Variants in DNAJC15 observed in about 807,000 individuals in gnomAD.
The protein encoded by DNAJC15 is dnaJ homolog subfamily C member 15.
In DNAJC15, 27 loss-of-function variants were observed where a neutral mutation model predicts 22.4. The observed-to-expected ratio is 1.20, with a 90% CI of 0.89 to 1.66. DNAJC15 has a LOEUF of 1.66. Among genes scored for constraint, DNAJC15 ranks in the 40% most tolerant of loss-of-function variants. The pLI is 0.00. For synonymous variants in DNAJC15, 79 were observed against 63.2 expected (o/e 1.25, Z -1.19); for missense variants, 208 against 187.1 (o/e 1.11, Z -0.65).
chr13:43,037,322 C>G (rs1030700952), intron 1 of DNAJC15, among the ~76,000 whole-genome samples: 6 of 152,220 alleles, frequency 3.9e-5, no homozygotes, highest in African/African-American at 1.4e-4. Context: ...TTGAGGGGTT[C>G]TTGCTGGAGA....
At chr13:43,036,311 C>T (rs1456355985) in intron 1 of DNAJC15, among the ~76,000 whole-genome samples, 12 of 151,906 alleles carry the variant, frequency 7.9e-5, no homozygotes, top group East Asian at 3.9e-4. Context: ...GACTACGGGT[C>T]GCACCACCAC....
At position 43,107,288 on chromosome 13, in the gene DNAJC15, T is replaced by G. The variant is rs1274326327; in HGVS notation, c.*40T>G. ...ACTGAAGGAAAAAAAAAGAGGGGAC[T>G]TCGAAAAAAAAAAAAGCCCTGCAAA... On this transcript the variant is annotated 3_prime_UTR_variant, in exon 6 of 6. Transcript: ENST00000379221. The G allele has an allele frequency of 6.8e-7, 1 of 1,467,086 alleles. No individual in the cohort carries two copies. Among genetic ancestry groups the G allele is most frequent in the East Asian group, 2.5e-5 (1 of 40,242 alleles). The allele number at this position is 1,467,086 out of a possible 1,614,324, so 90.9% of individuals were successfully genotyped here.
chr13:43,024,641 G>C (rs1196018168), intron 1 of DNAJC15, among the ~76,000 whole-genome samples: 3 of 151,978 alleles, frequency 2.0e-5, no homozygotes, highest in African/African-American at 7.3e-5. Flanking sequence ...ACCGCGTCCG[G>C]CATATTTTTA....
rs73473985 is a variant in DNAJC15 at position 43,062,371 on chromosome 13, C to T, written c.109-3315C>T. On this transcript the variant is annotated intron_variant, in intron 1 of 5. Transcript: ENST00000379221. The stretch of plus-strand genomic sequence containing the variant: ...TTCTTTTTCTGCTGATGCTTCCTCT[C>T]ACTGGTGAAACCCAACCAGAAGCTA... Among the ~76,000 whole-genome samples the T allele has an allele frequency of 3.2e-3, 491 of 152,326 alleles. 6 individuals are homozygous for T. The highest frequency in any genetic ancestry group is 0.011 in the African/African-American group (472 of 41,568).
intron 1 of DNAJC15, among the ~76,000 whole-genome samples, chr13:43,034,642 A>G (rs992859843): frequency 6.6e-6 from 1 of 151,738 alleles, no homozygotes; most frequent in African/African-American, 2.4e-5. Flanking sequence ...CCCATTTATT[A>G]CTTATTTATA....
At chr13:43,086,379 G>C (rs1217102496) in intron 5 of DNAJC15, among the ~76,000 whole-genome samples, 1 of 152,078 alleles carries the variant, frequency 6.6e-6, no homozygotes, top group Non-Finnish European at 1.5e-5. Flanking sequence ...ACAGCTGCTT[G>C]AGAGGGAAAG....
chr13:43,096,673 A>G (rs1407963467), intron 5 of DNAJC15, among the ~76,000 whole-genome samples: 2 of 152,250 alleles, frequency 1.3e-5, no homozygotes, highest in Non-Finnish European at 2.9e-5. Flanking sequence ...GGTAATTGGT[A>G]GTTTAAAAAT....
chr13:43,026,323 A>G (rs2040380494), intron 1 of DNAJC15, among the ~76,000 whole-genome samples: 1 of 152,208 alleles, frequency 6.6e-6, no homozygotes, highest in Admixed American at 6.5e-5. Flanking sequence ...AAATTGAGGG[A>G]TGCAAACAGT....
chr13:43,073,013 C>T (rs2040616133), intron 3 of DNAJC15, among the ~76,000 whole-genome samples: 1 of 152,144 alleles, frequency 6.6e-6, no homozygotes, highest in East Asian at 1.9e-4. Flanking sequence ...AATTTATCTC[C>T]TTTTCCTAAA....
intron 4 of DNAJC15, among the ~76,000 whole-genome samples, chr13:43,083,504 T>C (rs73188002): frequency 0.26 from 39,391 of 152,114 alleles, 5,306 homozygotes; most frequent in Non-Finnish European, 0.31. Flanking sequence ...CAAATCATAG[T>C]TTCAGCCCTA....
chr13:43,107,658 ATTTGGGACTCTGCCTATATAAGGTG>A lies in DNAJC15; in HGVS notation c.*414_*438del, dbSNP rs1436434961. The stretch of plus-strand genomic sequence containing the variant: ...CTCATTGTCAATTTTTTTTTAGGGA[ATTTGGGACTCTGCCTATATAAGGTG>A]TTTTAAATGTCTTGAGAACAAGCAC... On this transcript the variant is annotated 3_prime_UTR_variant, in exon 6 of 6. Coordinates refer to ENST00000379221, the MANE Select transcript of DNAJC15 (RefSeq NM_013238.3). 2 of 153,012 alleles carry A rather than the reference ATTTGGGACTCTGCCTATATAAGGTG, an allele frequency of 1.3e-5. No homozygotes were observed. Among genetic ancestry groups the A allele is most frequent in the African/African-American group, 4.8e-5 (2 of 41,396 alleles). The allele number at this position is 153,012 out of a possible 1,614,324, so 9.5% of individuals were successfully genotyped here.
At chr13:43,103,061 A>T (rs2040777721) in intron 5 of DNAJC15, among the ~76,000 whole-genome samples, 1 of 152,070 alleles carries the variant, frequency 6.6e-6, no homozygotes, top group Non-Finnish European at 1.5e-5. Context: ...CTCTGACATG[A>T]AGTTGATTAG....
chr13:43,023,733 TG>T lies in DNAJC15; in HGVS notation c.108+1del. The T allele has an allele frequency of 6.2e-7, 1 of 1,605,712 alleles. No homozygotes were observed. The highest frequency in any genetic ancestry group is 8.5e-7 in the Non-Finnish European group (1 of 1,176,538). The part of the protein sequence containing the change: ...RPDADVDQQR[L>X]VRSLIAVGLG... ...GACGCCGACGTCGACCAGCAGAGAC[TG>T]GTGAGTCCTGCCAGCGGCCCCCACC... On this transcript the variant is annotated frameshift_variant and splice_region_variant, in exon 1 of 6. Transcript: ENST00000379221. LOFTEE classifies it high-confidence loss of function.
chr13:43,062,362 G>A (rs2040563154), intron 1 of DNAJC15, among the ~76,000 whole-genome samples: 1 of 152,176 alleles, frequency 6.6e-6, no homozygotes, highest in Non-Finnish European at 1.5e-5. Flanking sequence ...TTCTGCTGAT[G>A]CTTCCTCTCA....
intron 1 of DNAJC15, among the ~76,000 whole-genome samples, chr13:43,026,449 G>T (rs74060454): frequency 1.3e-5 from 2 of 152,222 alleles, no homozygotes; most frequent in African/African-American, 4.8e-5. Context: ...AGGGCCTCAC[G>T]TACTTTCAGA....
At chr13:43,028,351 C>A (rs2040389773) in intron 1 of DNAJC15, among the ~76,000 whole-genome samples, 1 of 152,166 alleles carries the variant, frequency 6.6e-6, no homozygotes, top group African/African-American at 2.4e-5. Flanking sequence ...GTTCATGAGT[C>A]ACTTAGCCTC....
intron 1 of DNAJC15, among the ~76,000 whole-genome samples, chr13:43,033,086 G>C (rs2040411271): frequency 6.6e-6 from 1 of 152,168 alleles, no homozygotes; most frequent in Admixed American, 6.5e-5. Context: ...CACAGGAATA[G>C]CACCAAGGGG....
chr13:43,046,174 A>G (rs1265409580), intron 1 of DNAJC15, among the ~76,000 whole-genome samples: 3 of 145,388 alleles, frequency 2.1e-5, no homozygotes, highest in East Asian at 2.0e-4. Flanking sequence ...TTTTTTTTGT[A>G]AGGAAATTTA....
intron 1 of DNAJC15, among the ~76,000 whole-genome samples, chr13:43,062,079 T>C (rs2040561894): frequency 6.6e-6 from 1 of 152,102 alleles, no homozygotes; most frequent in Non-Finnish European, 1.5e-5. Flanking sequence ...TTTTTGAAGA[T>C]AGTTTATTGA....
Sources: allele counts gnomAD v4.1 joint callset (sites outside exome capture counted in the v4.1 genomes callset), GRCh38; gene constraint gnomAD v4.1.1; transcripts MANE v1.5; gene names NCBI Gene and HGNC (gene_info 2026-07-23, HGNC 2026-07-21).